Variants in MYCT1 observed in about 807,000 individuals in gnomAD.
The protein encoded by MYCT1 is MYC target 1.
In MYCT1, 12 loss-of-function variants were observed where a neutral mutation model predicts 15.0. The observed-to-expected ratio is 0.80, with a 90% confidence interval of 0.51 to 1.29. MYCT1 has a LOEUF of 1.29. Among genes scored for constraint, MYCT1 ranks in the 50% most tolerant of loss-of-function variants. The pLI, the probability that MYCT1 is intolerant of heterozygous loss-of-function variation, is 0.00. For missense variants in MYCT1, 287 were observed against 279.1 expected (o/e 1.03, Z -0.20); for synonymous variants, 104 against 102.7 (o/e 1.01, Z -0.07).
chr6:152,740,294 C>T, the MYCT1 span, among the ~76,000 whole-genome samples: 1 of 152,116 alleles, frequency 6.6e-6, no homozygotes, highest in Non-Finnish European at 1.5e-5. Context: ...AGGGCATTGG[C>T]CCACCTCAGC....
At chr6:152,712,927 T>C (rs986684034) in intron 1 of MYCT1, among the ~76,000 whole-genome samples, 8 of 152,210 alleles carry the variant, frequency 5.3e-5, no homozygotes, top group Middle Eastern at 3.4e-3. Flanking sequence ...CTGAGACTCT[T>C]GATTTGTAGA....
intron 1 of MYCT1, among the ~76,000 whole-genome samples, chr6:152,701,010 A>C (rs2099721218): frequency 6.6e-6 from 1 of 152,172 alleles, no homozygotes; most frequent in African/African-American, 2.4e-5. Flanking sequence ...GTTGTGGAAT[A>C]ATACAAGATA....
intron 1 of MYCT1, among the ~76,000 whole-genome samples, chr6:152,698,391 G>A (rs1411019887): frequency 6.6e-6 from 1 of 151,808 alleles, no homozygotes; most frequent in African/African-American, 2.4e-5. Context: ...AATATAATTA[G>A]GAAATAGTGA....
chr6:152,744,616 C>T, the MYCT1 span, among the ~76,000 whole-genome samples: 4 of 152,198 alleles, frequency 2.6e-5, no homozygotes, highest in East Asian at 1.9e-4. Flanking sequence ...CTGAATCTTG[C>T]GGGAGGAATG....
chr6:152,723,048 T>A lies in MYCT1; in HGVS notation c.*795T>A, dbSNP rs1370976813. On this transcript the variant is annotated 3_prime_UTR_variant, in exon 2 of 2. Coordinates refer to ENST00000367245, the MANE Select transcript of MYCT1 (RefSeq NM_025107.3). The stretch of plus-strand genomic sequence containing the variant: ...CCAATCTTGGATTTTTAATGGAATA[T>A]GTGGGCACAAAATGACAGAACATAG... The A allele has an allele frequency of 6.4e-6, 1 of 155,634 alleles. No individual in the cohort carries two copies. The highest frequency in any genetic ancestry group is 1.9e-4 in the East Asian group (1 of 5,314). 9.6% of individuals were successfully genotyped at this position (155,634 alleles called of 1,614,324 possible).
intron 1 of MYCT1, among the ~76,000 whole-genome samples, chr6:152,715,954 T>C (rs2099723582): frequency 6.6e-6 from 1 of 152,196 alleles, no homozygotes. Context: ...GTTTTTACTC[T>C]GGGAGAAGTG....
At chr6:152,714,264 T>C (rs1305811023) in intron 1 of MYCT1, among the ~76,000 whole-genome samples, 1 of 151,214 alleles carries the variant, frequency 6.6e-6, no homozygotes, top group East Asian at 1.9e-4. Context: ...TTAGATTTTT[T>C]TCATATCTGG....
chr6:152,728,395 G>A (rs908941133), downstream of MYCT1, among the ~76,000 whole-genome samples: 2 of 152,114 alleles, frequency 1.3e-5, no homozygotes, highest in African/African-American at 4.8e-5. Flanking sequence ...GTTCAAAGCT[G>A]AGGAGCAAAT....
intron 1 of MYCT1, among the ~76,000 whole-genome samples, chr6:152,703,284 A>C (rs1414433659): frequency 6.6e-6 from 1 of 152,216 alleles, no homozygotes; most frequent in African/African-American, 2.4e-5. Flanking sequence ...CTGTTAGTGA[A>C]GGGAGTTTGT....
chr6:152,743,636 T>C, the MYCT1 span, among the ~76,000 whole-genome samples: 1 of 152,228 alleles, frequency 6.6e-6, no homozygotes, highest in Non-Finnish European at 1.5e-5. Flanking sequence ...TGCTCTATTC[T>C]GTGGGTTTTG....
intron 1 of MYCT1, among the ~76,000 whole-genome samples, chr6:152,717,773 A>G (rs1294949862): frequency 6.6e-6 from 1 of 152,088 alleles, no homozygotes; most frequent in East Asian, 1.9e-4. Context: ...TAAAGTGTGT[A>G]TTTTACTGAC....
rs1378049354 is a variant in MYCT1 at position 152,697,960 on chromosome 6, C to T, written c.58C>T (p.Gln20Ter). The change falls in exon 1 of 2, where the codon CAA (glutamine) becomes TAA (stop). Residue 20 changes from glutamine (Q) to a stop codon, truncating the protein, a stop_gained. Transcript: ENST00000367245. LOFTEE classifies it high-confidence loss of function. ...AAATTATTTTTCTCTTGCTGTACTA[C>T]AAAGAGATAGAATCAAACTGCTTTT... ...CKNYFSLAVL[Q>*]RDRIKLLFFD... 7.5e-6 allele frequency: 12 copies of T among 1,604,790 alleles called. No homozygotes were observed. In the East Asian group the frequency reaches 2.0e-4, roughly 27 times the overall value.
intron 1 of MYCT1, among the ~76,000 whole-genome samples, chr6:152,707,060 T>G (rs1487259198): frequency 2.6e-5 from 4 of 152,130 alleles, no homozygotes; most frequent in African/African-American, 9.7e-5. Context: ...TAGTTCTATT[T>G]TTAATTTTTG....
chr6:152,708,309 A>T (rs1404262060), intron 1 of MYCT1, among the ~76,000 whole-genome samples: 1 of 152,154 alleles, frequency 6.6e-6, no homozygotes, highest in South Asian at 2.1e-4. Flanking sequence ...ATTTTTATAT[A>T]TAAGTCTTAC....
chr6:152,708,665 T>C (rs1054576705), intron 1 of MYCT1, among the ~76,000 whole-genome samples: 1 of 152,128 alleles, frequency 6.6e-6, no homozygotes, highest in South Asian at 2.1e-4. Flanking sequence ...GCTAGAAAAA[T>C]ATATTTTAAA....
chr6:152,698,413 A>G (rs974807598), intron 1 of MYCT1, among the ~76,000 whole-genome samples: 1 of 152,136 alleles, frequency 6.6e-6, no homozygotes, highest in Admixed American at 6.5e-5. Context: ...GATAAAAATA[A>G]AAAACATAAG....
the MYCT1 span, among the ~76,000 whole-genome samples, chr6:152,732,830 G>A: frequency 6.6e-6 from 1 of 152,148 alleles, no homozygotes; most frequent in Non-Finnish European, 1.5e-5. Context: ...GCAGCCACAA[G>A]CCAAGGAATG....
the MYCT1 span, among the ~76,000 whole-genome samples, chr6:152,742,938 G>A: frequency 6.6e-6 from 1 of 152,214 alleles, no homozygotes. Flanking sequence ...CCTTGTGAAT[G>A]TAGAGAAGAA....
chr6:152,731,156 T>A, the MYCT1 span, among the ~76,000 whole-genome samples: 9 of 151,796 alleles, frequency 5.9e-5, no homozygotes, highest in Non-Finnish European at 1.2e-4. Flanking sequence ...TTGCCTAAAG[T>A]GAAGTGGCTC....
Sources: allele counts gnomAD v4.1 joint callset (sites outside exome capture counted in the v4.1 genomes callset), GRCh38; gene constraint gnomAD v4.1.1; transcripts MANE v1.5; gene names NCBI Gene and HGNC (gene_info 2026-07-23, HGNC 2026-07-21).